The following PCDHGB4 variants were observed in gnomAD, a reference collection of about 807,000 sequenced individuals.
The protein encoded by PCDHGB4 is protocadherin gamma subfamily B, 4.
A neutral mutation model predicts 60.5 loss-of-function variants in PCDHGB4; 38 were observed. The ratio of observed to expected loss-of-function variants is 0.63; its 90% CI spans 0.48 to 0.82. PCDHGB4 has a LOEUF of 0.82. Ranked by LOEUF, PCDHGB4 falls within the 40% of genes least tolerant of loss-of-function variation. The pLI is 0.00. For synonymous variants in PCDHGB4, 456 were observed against 509.7 expected (o/e 0.89, Z 1.42); for missense variants, 1,109 against 1,209.6 (o/e 0.92, Z 1.23).
Position 141,490,318 on chromosome 5 carries a change from C to T in PCDHGB4, c.2398-4489C>T. ...ATTGGCCTCTTTGGCCAACCCTGTCCTAGAGAGCACACCAGTGGGCACAGT... is the reference window on the plus strand; with the variant it reads ...ATTGGCCTCTTTGGCCAACCCTGTCTTAGAGAGCACACCAGTGGGCACAGT... On this transcript the variant is annotated intron_variant, in intron 1 of 3. Transcript: ENST00000519479. The surrounding 1 kb of genome is among the most constrained non-coding windows in gnomAD (Gnocchi z 5.4). 1 of 1,614,220 alleles carries T rather than the reference C, an allele frequency of 6.2e-7. No homozygotes were observed.
intron 1 of PCDHGB4, chr5:141,423,616 G>A: frequency 6.2e-7 from 1 of 1,609,594 alleles, no homozygotes; most frequent in Admixed American, 1.7e-5. Context: ...GATAGCTGAA[G>A]ACTCAGCTAT....
intron 1 of PCDHGB4, among the ~76,000 whole-genome samples, chr5:141,481,426 A>T (rs1431602618): frequency 6.6e-6 from 1 of 152,238 alleles, no homozygotes; most frequent in Non-Finnish European, 1.5e-5. Context: ...TGTGATGATG[A>T]TTGTATCAGT....
rs764067454 is a variant in PCDHGB4 at position 141,413,998 on chromosome 5, G to C, written c.2397+23717G>C. On this transcript the variant is annotated intron_variant, in intron 1 of 3. Coordinates refer to ENST00000519479, the MANE Select transcript of PCDHGB4 (RefSeq NM_003736.4). Reference sequence around the variant, plus strand: ...GACAGTCACAGCCACCGACAGGGACGAAGGTGCCAATGGAGAAGTGACATA... The same window carrying C: ...GACAGTCACAGCCACCGACAGGGACCAAGGTGCCAATGGAGAAGTGACATA... 29 of 1,613,320 alleles carry C rather than the reference G, an allele frequency of 1.8e-5. No individual in the cohort carries two copies. The Admixed American group carries it at 4.8e-4, about 27-fold the overall frequency.
intron 3 of PCDHGB4, among the ~76,000 whole-genome samples, chr5:141,505,861 C>A (rs115699706): frequency 0.034 from 5,102 of 152,242 alleles, 131 homozygotes; most frequent in Admixed American, 0.057. Flanking sequence ...GGGACAGGGA[C>A]CCCAAAGGGT....
intron 1 of PCDHGB4, chr5:141,393,859 T>A (rs1348760722): frequency 1.9e-6 from 3 of 1,613,994 alleles, no homozygotes; most frequent in Non-Finnish European, 2.5e-6. Flanking sequence ...GAAGTGATCA[T>A]TACGTCTTTG....
At chr5:141,455,041 T>C (rs971722465) in intron 1 of PCDHGB4, among the ~76,000 whole-genome samples, 2 of 151,234 alleles carry the variant, frequency 1.3e-5, no homozygotes, top group Non-Finnish European at 2.9e-5. Flanking sequence ...CTCGATCTCC[T>C]GACCTCGTGA....
At chr5:141,437,460 T>C (rs2097886220) in intron 1 of PCDHGB4, among the ~76,000 whole-genome samples, 1 of 152,230 alleles carries the variant, frequency 6.6e-6, no homozygotes, top group South Asian at 2.1e-4. Flanking sequence ...GAGACTATAC[T>C]ATACTTTTAT....
intron 2 of PCDHGB4, among the ~76,000 whole-genome samples, chr5:141,504,741 T>C (rs968590796): frequency 2.6e-5 from 4 of 151,826 alleles, no homozygotes; most frequent in South Asian, 2.1e-4. Context: ...TAGGAAGCCA[T>C]TGAATTTTAG....
chr5:141,393,853 T>A, intron 1 of PCDHGB4: 1 of 1,613,992 alleles, frequency 6.2e-7, no homozygotes, highest in Admixed American at 1.7e-5. Context: ...AGACCAGAAG[T>A]GATCATTACG....
chr5:141,398,989 T>A lies in PCDHGB4; in HGVS notation c.2397+8708T>A, dbSNP rs766277028. 153 of 1,613,914 alleles carry A rather than the reference T, an allele frequency of 9.5e-5. No individual in the cohort carries two copies. The Middle Eastern group carries it at 3.6e-3, about 38-fold the overall frequency. ...TTCCTTCTACAGAACCGGGCAAATC[T>A]TTAGTCTGAATTCAAAGAGCGGAGA... is the stretch of plus-strand genomic sequence containing the variant. On this transcript the variant is annotated intron_variant, in intron 1 of 3. Coordinates refer to ENST00000519479, the MANE Select transcript of PCDHGB4 (RefSeq NM_003736.4).
At position 141,489,481 on chromosome 5, in the gene PCDHGB4, A is replaced by C; in HGVS notation, c.2398-5326A>C. 6.2e-7 allele frequency: 1 copy of C among 1,614,040 alleles called. No homozygotes were observed. The highest frequency in any genetic ancestry group is 8.5e-7 in the Non-Finnish European group (1 of 1,180,004). ...GCGCTATTTTTCCCTGAGCTTGATG[A>C]GTGGTGCCCTGGCAGTGAATCAAAA... is the stretch of plus-strand genomic sequence containing the variant. On this transcript the variant is annotated intron_variant, in intron 1 of 3. Transcript: ENST00000519479. The surrounding 1 kb of genome is among the most constrained non-coding windows in gnomAD (Gnocchi z 4.5).
rs772962568 is a variant in PCDHGB4, at chr5:141,476,311, G to A, written c.2398-18496G>A. The stretch of plus-strand genomic sequence containing the variant: ...ATCTCGGTAGCCTCTCAGCCCGCAG[G>A]TTCCGGGTGGTGTCTGGAGCTAGCC... On this transcript the variant is annotated intron_variant, in intron 1 of 3. Transcript: ENST00000519479. The surrounding 1 kb of genome is among the most constrained non-coding windows in gnomAD (Gnocchi z 7.6). 13 of 1,613,680 alleles carry A rather than the reference G, an allele frequency of 8.1e-6. No individual in the cohort carries two copies. The African/African-American group carries it at 1.5e-4, about 18-fold the overall frequency.
chr5:141,430,795 G>T (rs918154748), intron 1 of PCDHGB4: 7 of 1,522,458 alleles, frequency 4.6e-6, no homozygotes, highest in Non-Finnish European at 6.2e-6. Flanking sequence ...ACTACAAAGG[G>T]CTTGTCCTGC....
At chr5:141,410,515 G>T in intron 1 of PCDHGB4, 1 of 1,613,946 alleles carries the variant, frequency 6.2e-7, no homozygotes, top group South Asian at 1.1e-5. Flanking sequence ...AATGCAGTGT[G>T]CCCCTACATT....
At chr5:141,444,672 A>G (rs990955921) in intron 1 of PCDHGB4, among the ~76,000 whole-genome samples, 2 of 152,086 alleles carry the variant, frequency 1.3e-5, no homozygotes, top group Non-Finnish European at 2.9e-5. Flanking sequence ...ATTTTTTTCA[A>G]TACCATTTAT....
intron 1 of PCDHGB4, chr5:141,414,676 CA>C (rs779931467): frequency 5.6e-5 from 91 of 1,613,916 alleles, no homozygotes; most frequent in Middle Eastern, 1.6e-4. Context: ...AGACACCATC[CA>C]GGGGGTACCT....
intron 1 of PCDHGB4, among the ~76,000 whole-genome samples, chr5:141,482,530 C>CAAAAAAAAAAAAAAAAAAAAAA (rs3074545): frequency 1.3e-5 from 1 of 76,562 alleles, no homozygotes. Context: ...GACAGACATG[C>CAAAAAAAAAAAAAAAAAAAAAA]AAAAAAAAAA....
chr5:141,456,103 T>C lies in PCDHGB4; in HGVS notation c.2398-38704T>C, dbSNP rs185224428. Among the ~76,000 whole-genome samples the C allele has an allele frequency of 2.6e-3, 390 of 152,142 alleles. 3 individuals are homozygous for C. The highest frequency in any genetic ancestry group is 6.7e-3 in the Admixed American group (103 of 15,290). On this transcript the variant is annotated intron_variant, in intron 1 of 3. Coordinates refer to ENST00000519479, the MANE Select transcript of PCDHGB4 (RefSeq NM_003736.4). The stretch of plus-strand genomic sequence containing the variant: ...CAGTAGAGACGGGATTTCACCGTGT[T>C]AGCCAGGATGGTCTCCATCTCCTGA...
At chr5:141,396,645 A>G (rs1224275677) in intron 1 of PCDHGB4, 1 of 152,172 alleles carries the variant, frequency 6.6e-6, no homozygotes, top group Non-Finnish European at 1.5e-5. Context: ...TAATATTAAT[A>G]GTAAAAACTC....
Sources: gnomAD v4.1 joint callset for allele counts (sites outside exome capture counted in the v4.1 genomes callset) on GRCh38, gnomAD v4.1.1 for gene constraint, Gnocchi (gnomAD v3.1) non-coding constraint, MANE v1.5 for transcripts, NCBI Gene and HGNC (gene_info 2026-07-23, HGNC 2026-07-21) for gene names.